Variants in VOPP1 observed in about 807,000 individuals in gnomAD.
The protein encoded by VOPP1 is VOPP1 WW domain binding protein, also known as WW domain binding protein VOPP1.
Under a neutral mutation model 23.5 loss-of-function variants are expected in VOPP1, and 8 were observed. The ratio of observed to expected loss-of-function variants is 0.34; its 90% CI spans 0.20 to 0.61. VOPP1 has a LOEUF of 0.61. Among genes scored for constraint, VOPP1 ranks in the 20% least tolerant of loss-of-function variants. The probability of loss-of-function intolerance (pLI) is 0.78; values close to 1 mark genes in which losing one functional copy is unlikely to be tolerated. For synonymous variants in VOPP1, 83 were observed against 97.3 expected, an observed-to-expected ratio of 0.85 and a Z score of 0.86; for missense variants, 174 against 238.1, an observed-to-expected ratio of 0.73 and a Z score of 1.77.
At chr7:55,493,347 G>A (rs775435630) in intron 3 of VOPP1, 4 of 152,292 alleles carry the variant, frequency 2.6e-5, no homozygotes, top group Non-Finnish European at 4.4e-5. Flanking sequence ...ACACCCACAC[G>A]GTGAGGGCAC....
At chr7:55,537,259 T>C (rs1332759283) in intron 1 of VOPP1, among the ~76,000 whole-genome samples, 1 of 152,160 alleles carries the variant, frequency 6.6e-6, no homozygotes, top group East Asian at 1.9e-4. Context: ...ACCCACAGCG[T>C]GCAGCAACAT....
intron 4 of VOPP1, among the ~76,000 whole-genome samples, chr7:55,490,939 A>C (rs1388304106): frequency 3.3e-5 from 5 of 152,254 alleles, no homozygotes; most frequent in Admixed American, 3.3e-4. Flanking sequence ...AAAAGAACAA[A>C]TATGCAAATG....
chr7:55,460,964 G>A (rs944686940), intron 4 of VOPP1, among the ~76,000 whole-genome samples: 16 of 151,936 alleles, frequency 1.1e-4, no homozygotes, highest in East Asian at 1.9e-4. Context: ...ATCAATCAAC[G>A]AGTGGATAAA....
intron 4 of VOPP1, among the ~76,000 whole-genome samples, chr7:55,438,357 G>A (rs1029083508): frequency 6.6e-6 from 1 of 152,178 alleles, no homozygotes; most frequent in Admixed American, 6.5e-5. Flanking sequence ...TCACCTGAAT[G>A]CGTCTGCAGT....
At chr7:55,452,343 C>T (rs1449403464) in intron 4 of VOPP1, among the ~76,000 whole-genome samples, 1 of 152,192 alleles carries the variant, frequency 6.6e-6, no homozygotes, top group Non-Finnish European at 1.5e-5. Flanking sequence ...ATTTCCTCCA[C>T]TGATGTCTTG....
intron 1 of VOPP1, among the ~76,000 whole-genome samples, chr7:55,542,009 G>A (rs191931630): frequency 2.4e-4 from 37 of 152,314 alleles, no homozygotes; most frequent in Admixed American, 2.2e-3. Context: ...AAAACCCTGT[G>A]ACTCTATCAA....
At chr7:55,445,480 C>G (rs1791079446) in intron 4 of VOPP1, among the ~76,000 whole-genome samples, 1 of 152,154 alleles carries the variant, frequency 6.6e-6, no homozygotes. Flanking sequence ...ATTCAGTGTT[C>G]CCCCAATTGA....
intron 2 of VOPP1, among the ~76,000 whole-genome samples, chr7:55,498,954 A>G (rs1794173597): frequency 6.6e-6 from 1 of 151,882 alleles, no homozygotes; most frequent in South Asian, 2.1e-4. Flanking sequence ...TAAATCCTCT[A>G]TTGTTTCAAG....
At chr7:55,493,965 G>C (rs1793763407) in intron 3 of VOPP1, among the ~76,000 whole-genome samples, 1 of 152,162 alleles carries the variant, frequency 6.6e-6, no homozygotes, top group Non-Finnish European at 1.5e-5. Flanking sequence ...AGTGACAGCT[G>C]GGCTGGGCTC....
chr7:55,552,717 C>T lies in VOPP1; in HGVS notation c.54+19554G>A, dbSNP rs2129054229. 4 of 1,535,642 alleles carry T rather than the reference C, an allele frequency of 2.6e-6. No individual in the cohort carries two copies. In the South Asian group the frequency reaches 3.6e-5, roughly 14 times the overall value. ...CCTGGAGCCCCAGCCCCTCCGAAGG[C>T]AGGAGTCTGGTCGCCAGGTTGCCGG... On this transcript the variant is annotated intron_variant, in intron 1 of 4. Coordinates refer to ENST00000285279, the MANE Select transcript of VOPP1 (RefSeq NM_030796.5).
intron 1 of VOPP1, among the ~76,000 whole-genome samples, chr7:55,563,867 G>A (rs1010396303): frequency 6.6e-6 from 1 of 152,166 alleles, no homozygotes; most frequent in Non-Finnish European, 1.5e-5. Context: ...AGGGTATATA[G>A]CTTTTGAAAA....
chr7:55,440,858 C>T (rs989744819), intron 4 of VOPP1, among the ~76,000 whole-genome samples: 7 of 152,172 alleles, frequency 4.6e-5, no homozygotes, highest in African/African-American at 2.4e-5. Context: ...ACTGAGTATA[C>T]GCCGCTGGCA....
chr7:55,470,284 G>C (rs1303841082), downstream of VOPP1, among the ~76,000 whole-genome samples: 1 of 152,178 alleles, frequency 6.6e-6, no homozygotes, highest in Non-Finnish European at 1.5e-5. Context: ...GCATCTGTGA[G>C]AGAAGTGTTA....
At chr7:55,508,381 C>T (rs536832911) in intron 2 of VOPP1, among the ~76,000 whole-genome samples, 1 of 152,230 alleles carries the variant, frequency 6.6e-6, no homozygotes, top group East Asian at 1.9e-4. Flanking sequence ...GATCCCTTCA[C>T]ATCAGCCTCC....
intron 1 of VOPP1, among the ~76,000 whole-genome samples, chr7:55,535,469 C>T (rs1356316750): frequency 2.0e-5 from 3 of 152,186 alleles, no homozygotes; most frequent in Non-Finnish European, 2.9e-5. Context: ...TCTGGCCTGG[C>T]CGCCCCCACA....
chr7:55,530,295 T>A (rs1252793610), intron 1 of VOPP1, among the ~76,000 whole-genome samples: 1 of 152,176 alleles, frequency 6.6e-6, no homozygotes, highest in Non-Finnish European at 1.5e-5. Flanking sequence ...AGTACTGTAC[T>A]GGTATCTCAT....
intron 4 of VOPP1, among the ~76,000 whole-genome samples, chr7:55,456,228 C>T (rs1462746383): frequency 3.9e-5 from 6 of 152,112 alleles, no homozygotes; most frequent in African/African-American, 1.4e-4. Context: ...TAGAGAAATG[C>T]AAATCAAAAC....
At chr7:55,474,552 C>A (rs1174831254) in intron 4 of VOPP1, among the ~76,000 whole-genome samples, 1 of 152,190 alleles carries the variant, frequency 6.6e-6, no homozygotes, top group African/African-American at 2.4e-5. Context: ...GAAGAAAAGG[C>A]CCTAGGTTCT....
chr7:55,474,100 G>A (rs1792053448), intron 4 of VOPP1, among the ~76,000 whole-genome samples: 2 of 152,188 alleles, frequency 1.3e-5, no homozygotes, highest in Non-Finnish European at 2.9e-5. Flanking sequence ...CTCACTGAGC[G>A]CTCTCAACTG....
Sources: allele counts gnomAD v4.1 joint callset (sites outside exome capture counted in the v4.1 genomes callset), GRCh38; gene constraint gnomAD v4.1.1; transcripts MANE v1.5; gene names NCBI Gene and HGNC (gene_info 2026-07-23, HGNC 2026-07-21).